The following FARS2 variants were observed in gnomAD, a reference collection of about 807,000 sequenced individuals.
FARS2 encodes the protein phenylalanyl-tRNA synthetase 2, mitochondrial.
A neutral mutation model predicts 46.4 loss-of-function variants in FARS2; 40 were observed. That is an observed-to-expected ratio of 0.86 (90% CI 0.67 to 1.12). FARS2 has a LOEUF of 1.12. FARS2 is among the 50% of genes most tolerant of loss of function. The pLI, the probability that FARS2 is intolerant of heterozygous loss-of-function variation, is 0.00. For synonymous variants in FARS2, 234 were observed against 214.9 expected (o/e 1.09, Z -0.78); for missense variants, 513 against 567.9 (o/e 0.90, Z 0.98).
At chr6:5,624,308 T>A (rs1775924431) in intron 6 of FARS2, among the ~76,000 whole-genome samples, 1 of 152,192 alleles carries the variant, frequency 6.6e-6, no homozygotes, top group Non-Finnish European at 1.5e-5. Flanking sequence ...CAGCATTAGA[T>A]GAATTAAATC....
rs772671649 is a variant in FARS2 at position 5,613,729 on chromosome 6, C to T, written c.1217+409C>T. Among the ~76,000 whole-genome samples, 7 of 152,166 alleles carry T rather than the reference C, an allele frequency of 4.6e-5. No individual in the cohort carries two copies. The South Asian group carries it at 6.2e-4, about 13-fold the overall frequency. On this transcript the variant is annotated intron_variant, in intron 6 of 6. Coordinates refer to ENST00000274680, the MANE Select transcript of FARS2 (RefSeq NM_006567.5). ...TTACCACACGCCAAGATCTATATTA[C>T]GTCCTAGGAATTAAATGTGTTCCAA...
chr6:5,562,048 T>G (rs1261470705), intron 5 of FARS2, among the ~76,000 whole-genome samples: 1 of 152,160 alleles, frequency 6.6e-6, no homozygotes, highest in Non-Finnish European at 1.5e-5. Context: ...AATTTGAATA[T>G]CTTCAGTATA....
At chr6:5,467,244 C>T (rs901408262) in intron 4 of FARS2, 3 of 254,044 alleles carry the variant, frequency 1.2e-5, no homozygotes, top group Non-Finnish European at 1.9e-5. Context: ...GGTGGTTACC[C>T]ATTCTTAACC....
chr6:5,360,380 T>C (rs1011547077), intron 1 of FARS2, among the ~76,000 whole-genome samples: 11 of 152,356 alleles, frequency 7.2e-5, no homozygotes, highest in African/African-American at 2.6e-4. Flanking sequence ...AATGAATGGC[T>C]CCTGCCCTCA....
intron 5 of FARS2, among the ~76,000 whole-genome samples, chr6:5,553,115 T>C (rs903096690): frequency 6.6e-6 from 1 of 152,228 alleles, no homozygotes; most frequent in Non-Finnish European, 1.5e-5. Context: ...TCAGCCCTCA[T>C]TGGATGAAAT....
chr6:5,573,405 C>A (rs143484088), intron 5 of FARS2, among the ~76,000 whole-genome samples: 630 of 152,362 alleles, frequency 4.1e-3, no homozygotes, highest in Non-Finnish European at 7.3e-3. Context: ...GACACACACA[C>A]ACACACGCGT....
chr6:5,335,884 G>C (rs1051433190), intron 1 of FARS2, among the ~76,000 whole-genome samples: 2 of 152,212 alleles, frequency 1.3e-5, no homozygotes, highest in Non-Finnish European at 2.9e-5. Flanking sequence ...AGTAGATAGT[G>C]ATACCTGTGC....
chr6:5,629,585 C>T (rs1020532235), intron 6 of FARS2, among the ~76,000 whole-genome samples: 1 of 152,010 alleles, frequency 6.6e-6, no homozygotes, highest in African/African-American at 2.4e-5. Flanking sequence ...GCCTGTATTC[C>T]CTTATAAAAA....
rs374666841 is a variant in FARS2, at chr6:5,471,117, G to T, written c.904+39945G>T. ...AAGTGAACCCCACTGAGGGGTTTCA[G>T]CCACTGAGAGACTGACCCAGAAGCA... On this transcript the variant is annotated intron_variant, in intron 4 of 6. Coordinates refer to ENST00000274680, the MANE Select transcript of FARS2 (RefSeq NM_006567.5). The surrounding 1 kb of genome is among the most constrained non-coding windows in gnomAD (Gnocchi z 4.1). Among the ~76,000 whole-genome samples, 59 of 152,296 alleles carry T rather than the reference G, an allele frequency of 3.9e-4. 1 individual carries two copies. The South Asian group carries it at 0.012, about 31-fold the overall frequency.
At chr6:5,260,661 C>T, upstream of FARS2, 1 of 1,467,282 alleles carries the variant, frequency 6.8e-7, no homozygotes. Context: ...TAATTGTAGG[C>T]GCTGAAACGC....
In FARS2 at chr6:5,527,513, A is replaced by G. The variant is rs1769544150; in HGVS notation, c.905-17667A>G. On this transcript the variant is annotated intron_variant, in intron 4 of 6. Transcript: ENST00000274680. ...AATGAAAATATTTCCCAACACTCAC[A>G]ACTCTGTACAATGTTTCAACAGTGT... Among the ~76,000 whole-genome samples, 4 of 152,240 alleles carry G rather than the reference A, an allele frequency of 2.6e-5. No individual in the cohort carries two copies. In the South Asian group the frequency reaches 8.3e-4, roughly 32 times the overall value.
chr6:5,345,549 G>A lies in FARS2; in HGVS notation c.-21-23001G>A, dbSNP rs539963421. Among the ~76,000 whole-genome samples, 16 of 152,332 alleles carry A rather than the reference G, an allele frequency of 1.1e-4. No individual in the cohort carries two copies. In the South Asian group the frequency reaches 3.1e-3, roughly 30 times the overall value. ...TACCCACAGCTTCTCAGGCGCATGT[G>A]TAAAACGAAGTCCACGTGCTGTCTG... On this transcript the variant is annotated intron_variant, in intron 1 of 6. Coordinates refer to ENST00000274680, the MANE Select transcript of FARS2 (RefSeq NM_006567.5).
intron 4 of FARS2, among the ~76,000 whole-genome samples, chr6:5,503,537 T>C (rs1369455162): frequency 6.6e-6 from 1 of 151,718 alleles, no homozygotes; most frequent in African/African-American, 2.4e-5. Flanking sequence ...CAAGTACATA[T>C]GATTTTAAAA....
chr6:5,709,697 T>TGTGCGCGC (rs148741094), intron 6 of FARS2, among the ~76,000 whole-genome samples: 32 of 91,526 alleles, frequency 3.5e-4, no homozygotes, highest in Admixed American at 1.2e-3. Flanking sequence ...TGTGTGTGTG[T>TGTGCGCGC]GCGCATGCAC....
chr6:5,673,549 G>A (rs566679149), intron 6 of FARS2, among the ~76,000 whole-genome samples: 27 of 152,274 alleles, frequency 1.8e-4, no homozygotes, highest in African/African-American at 5.1e-4. Context: ...TATGTTCCCC[G>A]TCATTTATGC....
At chr6:5,609,197 T>A (rs752362925) in intron 5 of FARS2, 15 of 1,157,020 alleles carry the variant, frequency 1.3e-5, no homozygotes, top group Non-Finnish European at 1.8e-5. Flanking sequence ...CTTCTCTGGC[T>A]CTCCTCTCCG....
intron 4 of FARS2, among the ~76,000 whole-genome samples, chr6:5,521,569 C>T (rs948384750): frequency 3.3e-5 from 5 of 152,172 alleles, no homozygotes; most frequent in African/African-American, 4.8e-5. Flanking sequence ...TAATAGAAAG[C>T]CACTGCTTGA....
intron 1 of FARS2, among the ~76,000 whole-genome samples, chr6:5,293,985 TAAAC>T (rs899306285): frequency 2.6e-5 from 4 of 152,216 alleles, no homozygotes; most frequent in African/African-American, 7.2e-5. Context: ...TGTTTAAACT[TAAAC>T]ACACACACAC....
upstream of FARS2, chr6:5,260,601 C>CCGG: frequency 5.0e-6 from 6 of 1,202,672 alleles, no homozygotes; most frequent in Non-Finnish European, 7.0e-6. Context: ...CCCCCGGTCC[C>CCGG]CGGCCCCTGG....
Sources: allele counts gnomAD v4.1 joint callset (sites outside exome capture counted in the v4.1 genomes callset), GRCh38; gene constraint gnomAD v4.1.1; non-coding constraint Gnocchi (gnomAD v3.1); transcripts MANE v1.5; gene names NCBI Gene and HGNC (gene_info 2026-07-23, HGNC 2026-07-21).